GPATCH1: variants seen among roughly 807,000 people sequenced by gnomAD.
GPATCH1 encodes the protein G-patch domain containing 1.
In GPATCH1, 73 loss-of-function variants were observed where a neutral mutation model predicts 114.9. That is an observed-to-expected ratio of 0.64 (90% CI 0.53 to 0.77). The LOEUF is 0.77. GPATCH1 is among the 30% of genes least tolerant of loss of function. The pLI, the probability that GPATCH1 is intolerant of heterozygous loss-of-function variation, is 0.00. For synonymous variants in GPATCH1, 391 were observed against 428.4 expected, an observed-to-expected ratio of 0.91 and a Z score of 1.08; for missense variants, 1,058 against 1,144.3, an observed-to-expected ratio of 0.92 and a Z score of 1.09.
intron 1 of GPATCH1, 51 bp downstream of exon 1, chr19:33,081,317 A>G (rs1279985533): frequency 7.2e-7 from 1 of 1,398,336 alleles, no homozygotes; most frequent in Non-Finnish European, 9.8e-7. Flanking sequence ...CCAAGGGCCC[A>G]GGATTCGGGC....
At chr19:33,084,306 A>T (rs1195786688) in intron 1 of GPATCH1, among the ~76,000 whole-genome samples, 2 of 152,184 alleles carry the variant, frequency 1.3e-5, no homozygotes, top group Non-Finnish European at 2.9e-5. Flanking sequence ...TTAACCAGGG[A>T]GCCTAGTGAC....
chr19:33,083,675 G>T (rs975369129), intron 1 of GPATCH1, among the ~76,000 whole-genome samples: 1 of 152,146 alleles, frequency 6.6e-6, no homozygotes, highest in Non-Finnish European at 1.5e-5. Flanking sequence ...AATTACAGGC[G>T]TGAGCCATTG....
At chr19:33,117,484 C>G (rs796142769) in intron 15 of GPATCH1, among the ~76,000 whole-genome samples, 6 of 152,174 alleles carry the variant, frequency 3.9e-5, no homozygotes, top group African/African-American at 1.4e-4. Flanking sequence ...TTAGTAGAGA[C>G]AGGGTTTCAC....
intron 11 of GPATCH1, among the ~76,000 whole-genome samples, chr19:33,111,523 C>A (rs1192296425): frequency 6.6e-6 from 1 of 151,958 alleles, no homozygotes; most frequent in Admixed American, 6.6e-5. Context: ...CTGCGCCTGG[C>A]CTAAATTTTT....
intron 18 of GPATCH1, 27 bp from the exon 19 acceptor site, chr19:33,126,561 T>C (rs751308065): frequency 1.6e-5 from 26 of 1,608,860 alleles, no homozygotes; most frequent in Non-Finnish European, 2.2e-5. Flanking sequence ...ACATTTGTTT[T>C]CCCCCACCAC....
chr19:33,097,794 A>T lies in GPATCH1; in HGVS notation c.892A>T (p.Ile298Phe), dbSNP rs751517950. The T allele has an allele frequency of 1.1e-5, 18 of 1,613,924 alleles. No homozygotes were observed. The highest frequency in any genetic ancestry group is 1.5e-5 in the Non-Finnish European group (18 of 1,179,820). ...VGALEEEDDDIYATETLSKYD... is the reference protein window; with the variant it reads ...VGALEEEDDDFYATETLSKYD... ...TGCCCTGGAAGAGGAAGATGATGATATCTATGCCACAGAAACTCTATCCAA... is the reference window on the plus strand; with the variant it reads ...TGCCCTGGAAGAGGAAGATGATGATTTCTATGCCACAGAAACTCTATCCAA... Residue 298 changes from isoleucine to phenylalanine, a missense_variant, in exon 8 of 20, where the codon ATC becomes TTC. Physicochemically the swap from Ile to Phe is conservative, Grantham distance 21. Coordinates refer to ENST00000170564, the MANE Select transcript of GPATCH1 (RefSeq NM_018025.3).
At chr19:33,121,699 A>T (rs1972987261) in intron 17 of GPATCH1, among the ~76,000 whole-genome samples, 1 of 152,130 alleles carries the variant, frequency 6.6e-6, no homozygotes. Context: ...TCTATCCCCC[A>T]TTCTGTTCCC....
rs1049130406 is a variant in GPATCH1, at chr19:33,130,357, C to T, written c.*197C>T. The T allele has an allele frequency of 4.6e-6, 2 of 435,294 alleles. No individual in the cohort carries two copies. Among genetic ancestry groups the T allele is most frequent in the East Asian group, 3.5e-5 (1 of 28,330 alleles). 27.0% of individuals were successfully genotyped at this position (435,294 alleles called of 1,614,324 possible). On this transcript the variant is annotated 3_prime_UTR_variant, in exon 20 of 20. Coordinates refer to ENST00000170564, the MANE Select transcript of GPATCH1 (RefSeq NM_018025.3). ...TTCTATTTTTAATTTCAGTTAGTAT[C>T]GGGGGAAAAAAATCCAGACTGAACA...
intron 11 of GPATCH1, among the ~76,000 whole-genome samples, chr19:33,110,536 G>A (rs573457680): frequency 6.6e-6 from 1 of 152,216 alleles, no homozygotes; most frequent in Non-Finnish European, 1.5e-5. Context: ...CCTCGTGAGA[G>A]GTTATCAGTA....
chr19:33,112,501 A>G lies in GPATCH1; in HGVS notation c.1780A>G (p.Lys594Glu). Residue 594 changes from lysine to glutamate, a missense_variant, in exon 13 of 20, where the codon AAG becomes GAG. Physicochemically the swap from Lys to Glu is moderately conservative, Grantham distance 56. Coordinates refer to ENST00000170564, the MANE Select transcript of GPATCH1 (RefSeq NM_018025.3). ...PRDQENDVGD[K>E]QSAVKMKMFG... ...CTTTTTCCAGAATGATGTCGGGGAT[A>G]AGCAGTCGGCTGTGAAGATGAAGAT... is the stretch of plus-strand genomic sequence containing the variant. The G allele has an allele frequency of 6.2e-7, 1 of 1,614,118 alleles. No individual in the cohort carries two copies. Among genetic ancestry groups the G allele is most frequent in the Non-Finnish European group, 8.5e-7 (1 of 1,180,008 alleles).
chr19:33,111,345 C>G (rs1445745652), intron 11 of GPATCH1, among the ~76,000 whole-genome samples: 1 of 146,740 alleles, frequency 6.8e-6, no homozygotes, highest in African/African-American at 2.5e-5. Flanking sequence ...GATCATGCCA[C>G]TGCACTCCAG....
At chr19:33,104,944 C>G (rs968443643) in intron 9 of GPATCH1, among the ~76,000 whole-genome samples, 1 of 152,172 alleles carries the variant, frequency 6.6e-6, no homozygotes, top group Non-Finnish European at 1.5e-5. Context: ...ATATTTAGTA[C>G]TTTCCTTTAC....
intron 17 of GPATCH1, among the ~76,000 whole-genome samples, chr19:33,121,804 G>A (rs944159173): frequency 6.6e-6 from 1 of 152,066 alleles, no homozygotes; most frequent in Non-Finnish European, 1.5e-5. Flanking sequence ...TGAGGGCTGG[G>A]TTTACAAACA....
intron 9 of GPATCH1, among the ~76,000 whole-genome samples, chr19:33,105,903 A>G (rs763784505): frequency 9.2e-5 from 14 of 151,546 alleles, no homozygotes; most frequent in Non-Finnish European, 1.8e-4. Context: ...ACCGGGGTGC[A>G]GTGGCGCAAT....
At chr19:33,101,151 G>C (rs2145316553) in intron 8 of GPATCH1, among the ~76,000 whole-genome samples, 1 of 152,218 alleles carries the variant, frequency 6.6e-6, no homozygotes, top group South Asian at 2.1e-4. Flanking sequence ...TTGTCCTTTT[G>C]GTGGTTTTTC....
chr19:33,089,405 C>T (rs1216104487), intron 2 of GPATCH1, among the ~76,000 whole-genome samples: 1 of 152,112 alleles, frequency 6.6e-6, no homozygotes, highest in Non-Finnish European at 1.5e-5. Flanking sequence ...ATGTTATGTA[C>T]TTTTATAAAT....
chr19:33,088,567 T>C (rs1260120188), intron 2 of GPATCH1, among the ~76,000 whole-genome samples: 1 of 151,734 alleles, frequency 6.6e-6, no homozygotes, highest in Non-Finnish European at 1.5e-5. Context: ...GCCAGGCTGG[T>C]CTCAAAGTCT....
chr19:33,120,247 AT>A (rs955472151), intron 17 of GPATCH1, among the ~76,000 whole-genome samples: 5 of 143,874 alleles, frequency 3.5e-5, no homozygotes, highest in African/African-American at 1.3e-4. Flanking sequence ...ATTTTAATAT[AT>A]TTTTATAATT....
intron 8 of GPATCH1, 75 bp from the exon 9 acceptor site, chr19:33,101,420 C>T (rs1443279417): frequency 1.1e-5 from 9 of 821,270 alleles, no homozygotes; most frequent in East Asian, 7.3e-5. Flanking sequence ...GAGATAAGAA[C>T]GTAAAATGCT....
Sources: gnomAD v4.1 joint callset for allele counts (sites outside exome capture counted in the v4.1 genomes callset) on GRCh38, gnomAD v4.1.1 for gene constraint, MANE v1.5 for transcripts, NCBI Gene and HGNC (gene_info 2026-07-23, HGNC 2026-07-21) for gene names.